TRAPPC9: variants seen among roughly 807,000 people sequenced by gnomAD.
The protein encoded by TRAPPC9 is IKK2 binding protein.
In TRAPPC9, 83 loss-of-function variants were observed where a neutral mutation model predicts 124.0. The observed-to-expected ratio is 0.67, with a 90% CI of 0.56 to 0.80. The LOEUF (loss-of-function observed/expected upper bound fraction) is 0.80, where lower values mean the gene tolerates loss of function less well. TRAPPC9 is among the 30% of genes least tolerant of loss of function. The pLI, the probability that TRAPPC9 is intolerant of heterozygous loss-of-function variation, is 0.00. For synonymous variants in TRAPPC9, 638 were observed against 617.5 expected (o/e 1.03, Z -0.49); for missense variants, 1,302 against 1,508.3 (o/e 0.86, Z 2.27).
chr8:139,863,406 T>C (rs916287065), intron 21 of TRAPPC9, among the ~76,000 whole-genome samples: 2 of 152,124 alleles, frequency 1.3e-5, no homozygotes, highest in Admixed American at 1.3e-4. Flanking sequence ...GGCCCCTACA[T>C]GCTCTCCAGG....
At chr8:140,333,787 CA>C (rs1376829744) in intron 9 of TRAPPC9, among the ~76,000 whole-genome samples, 1 of 152,226 alleles carries the variant, frequency 6.6e-6, no homozygotes, top group African/African-American at 2.4e-5. Context: ...GAGTGAAGAA[CA>C]TAGTATCATA....
intron 17 of TRAPPC9, among the ~76,000 whole-genome samples, chr8:140,059,186 C>T (rs1338051643): frequency 6.6e-6 from 1 of 152,194 alleles, no homozygotes; most frequent in Non-Finnish European, 1.5e-5. Context: ...CTAGATCTAT[C>T]TATCTAGAAT....
In TRAPPC9 at chr8:139,874,838, T is replaced by C. The variant is rs570852073; in HGVS notation, c.3055+11041A>G. Among the ~76,000 whole-genome samples the C allele has an allele frequency of 1.7e-4, 26 of 152,186 alleles. No individual in the cohort carries two copies. The South Asian group carries it at 3.9e-3, about 23-fold the overall frequency. Reference sequence around the variant, plus strand: ...AACAAGCATGGCCACAGGTGGAAGATCGCCCTGAGCGCCGTGGGAAAGACA... The same window carrying C: ...AACAAGCATGGCCACAGGTGGAAGACCGCCCTGAGCGCCGTGGGAAAGACA... On this transcript the variant is annotated intron_variant, in intron 21 of 22. Coordinates refer to ENST00000438773, the MANE Select transcript of TRAPPC9 (RefSeq NM_001160372.4).
chr8:140,454,640 C>CAAAAAA (rs34042143), intron 1 of TRAPPC9, among the ~76,000 whole-genome samples: 1 of 68,024 alleles, frequency 1.5e-5, no homozygotes, highest in Admixed American at 2.0e-4. Flanking sequence ...GACTCCCTCT[C>CAAAAAA]AAAAAAAAAA....
chr8:139,754,747 C>A (rs557565284), intron 21 of TRAPPC9, among the ~76,000 whole-genome samples: 1 of 152,232 alleles, frequency 6.6e-6, no homozygotes, highest in Non-Finnish European at 1.5e-5. Flanking sequence ...GAGACGCCCC[C>A]ACCCCGTGTC....
At chr8:140,395,334 C>T (rs2069058445) in intron 7 of TRAPPC9, among the ~76,000 whole-genome samples, 1 of 152,162 alleles carries the variant, frequency 6.6e-6, no homozygotes, top group African/African-American at 2.4e-5. Context: ...CTACCAACGT[C>T]TAATCTAGGA....
rs532741006 is a variant in TRAPPC9 at position 139,853,604 on chromosome 8, A to G, written c.3055+32275T>C. On this transcript the variant is annotated intron_variant, in intron 21 of 22. Coordinates refer to ENST00000438773, the MANE Select transcript of TRAPPC9 (RefSeq NM_001160372.4). ...ATGAACAAACAGGGCTTCAGCCACC[A>G]CCTCCTGCAGGGTGGGGATTCAGGC... 8.5e-5 allele frequency among the ~76,000 whole-genome samples: 13 copies of G among 152,258 alleles called. No individual in the cohort carries two copies. In the East Asian group the frequency reaches 2.5e-3, roughly 29 times the overall value.
chr8:140,051,300 C>G (rs1036919613), intron 17 of TRAPPC9, among the ~76,000 whole-genome samples: 3 of 152,238 alleles, frequency 2.0e-5, no homozygotes, highest in Non-Finnish European at 4.4e-5. Flanking sequence ...CCAGGATGGA[C>G]AGAGCAGCTC....
intron 17 of TRAPPC9, among the ~76,000 whole-genome samples, chr8:140,044,486 A>G (rs10101071): frequency 0.77 from 116,748 of 152,122 alleles, 45,648 homozygotes; most frequent in African/African-American, 0.92. Context: ...TTTGAAGACC[A>G]TGCTAACAGA....
chr8:139,948,480 G>T (rs562111529), intron 19 of TRAPPC9, among the ~76,000 whole-genome samples: 139 of 152,328 alleles, frequency 9.1e-4, no homozygotes, highest in Middle Eastern at 6.8e-3. Context: ...AGACATCAAG[G>T]AAGCCAATGT....
chr8:140,205,442 T>C (rs1166630429), intron 17 of TRAPPC9, among the ~76,000 whole-genome samples: 1 of 152,198 alleles, frequency 6.6e-6, no homozygotes, highest in Non-Finnish European at 1.5e-5. Flanking sequence ...GCTATGTAAA[T>C]CTCATTAACA....
At chr8:140,234,031 A>G (rs2063672506) in intron 16 of TRAPPC9, among the ~76,000 whole-genome samples, 1 of 152,208 alleles carries the variant, frequency 6.6e-6, no homozygotes, top group Admixed American at 6.5e-5. Flanking sequence ...ATTTAAAGTA[A>G]TTAAAATTAA....
chr8:140,457,982 GGA>G (rs1310526324), upstream of TRAPPC9, among the ~76,000 whole-genome samples: 1 of 139,290 alleles, frequency 7.2e-6, no homozygotes, highest in East Asian at 2.1e-4. Flanking sequence ...GAGGAGCGAG[GGA>G]GAGAAGCGGG....
intron 21 of TRAPPC9, among the ~76,000 whole-genome samples, chr8:139,817,045 A>AACACACACACACACACACAC (rs1228353322): frequency 0.029 from 3,989 of 135,272 alleles, 125 homozygotes; most frequent in African/African-American, 0.045. Context: ...ACATAAACTA[A>AACACACACACACACACACAC]ACACACACAC....
At chr8:139,870,181 T>G (rs777206856) in intron 21 of TRAPPC9, among the ~76,000 whole-genome samples, 8 of 152,180 alleles carry the variant, frequency 5.3e-5, no homozygotes, top group Non-Finnish European at 8.8e-5. Context: ...GATTATTGAT[T>G]AAATGACTTG....
intron 19 of TRAPPC9, among the ~76,000 whole-genome samples, chr8:139,948,964 T>C (rs928141374): frequency 6.6e-6 from 1 of 151,902 alleles, no homozygotes; most frequent in Admixed American, 6.6e-5. Flanking sequence ...TCCCAGCTAA[T>C]TGGGAGGCTG....
At chr8:139,925,821 GCACACGCA>G (rs1260513799) in intron 19 of TRAPPC9, among the ~76,000 whole-genome samples, 3 of 145,982 alleles carry the variant, frequency 2.1e-5, no homozygotes, top group Non-Finnish European at 3.0e-5. Flanking sequence ...ACACGCACAC[GCACACGCA>G]CACACACACA....
At chr8:140,275,169 C>A (rs571306075) in intron 15 of TRAPPC9, among the ~76,000 whole-genome samples, 1 of 152,226 alleles carries the variant, frequency 6.6e-6, no homozygotes, top group Admixed American at 6.5e-5. Flanking sequence ...AAGAGGAAAT[C>A]GAGGCACAGG....
intron 9 of TRAPPC9, among the ~76,000 whole-genome samples, chr8:140,359,126 G>T (rs889273252): frequency 6.6e-6 from 1 of 152,188 alleles, no homozygotes; most frequent in African/African-American, 2.4e-5. Context: ...GCAGTGCAGG[G>T]CTCCCCGTGC....
Sources: allele counts gnomAD v4.1 joint callset (sites outside exome capture counted in the v4.1 genomes callset), GRCh38; gene constraint gnomAD v4.1.1; transcripts MANE v1.5; gene names NCBI Gene and HGNC (gene_info 2026-07-23, HGNC 2026-07-21).